Variants in SLC16A2 observed in about 807,000 individuals in gnomAD.
The protein encoded by SLC16A2 is solute carrier family 16 member 2, also known as monocarboxylate transporter 8.
In SLC16A2, 3 loss-of-function variants were observed where a neutral mutation model predicts 27.2. The observed-to-expected ratio is 0.11, with a 90% CI of 0.05 to 0.28. SLC16A2 has a LOEUF of 0.28. Ranked by LOEUF, SLC16A2 falls within the 10% of genes least tolerant of loss-of-function variation. The probability of loss-of-function intolerance (pLI) is 1.00; values close to 1 mark genes in which losing one functional copy is unlikely to be tolerated. For missense variants in SLC16A2, 295 were observed against 458.5 expected (o/e 0.64, Z 3.26); for synonymous variants, 202 against 187.8 (o/e 1.08, Z -0.62).
chrX:74,462,189 C>T (rs1294246197), intron 1 of SLC16A2, among the ~76,000 whole-genome samples: 2 of 112,351 alleles, frequency 1.8e-5, no homozygotes, highest in East Asian at 2.8e-4. Context: ...AATCAAGGCC[C>T]TTTGTGCTTT....
intron 1 of SLC16A2, among the ~76,000 whole-genome samples, chrX:74,507,979 A>G (rs1219262661): frequency 2.7e-5 from 3 of 112,033 alleles, no homozygotes; most frequent in African/African-American, 9.7e-5. Context: ...ATTCTTTGAC[A>G]TACTGATTTT....
At chrX:74,474,748 C>A (rs1209682506) in intron 1 of SLC16A2, among the ~76,000 whole-genome samples, 1 of 108,640 alleles carries the variant, frequency 9.2e-6, no homozygotes, top group Non-Finnish European at 1.9e-5. Context: ...TTTGTCCTTG[C>A]GATAGTTTGC....
chrX:74,454,618 C>T (rs1339180466), intron 1 of SLC16A2, among the ~76,000 whole-genome samples: 1 of 107,841 alleles, frequency 9.3e-6, no homozygotes, highest in Non-Finnish European at 1.9e-5. Context: ...AGGAGATATA[C>T]CTAATGTTAA....
At chrX:74,446,250 G>A (rs1293901030) in intron 1 of SLC16A2, among the ~76,000 whole-genome samples, 2 of 111,411 alleles carry the variant, frequency 1.8e-5, no homozygotes, top group Non-Finnish European at 3.8e-5. Context: ...TGCTCCAGGT[G>A]CAACTGGGCA....
intron 1 of SLC16A2, among the ~76,000 whole-genome samples, chrX:74,426,990 A>C (rs1464109868): frequency 8.9e-6 from 1 of 112,102 alleles, no homozygotes; most frequent in Non-Finnish European, 1.9e-5. Flanking sequence ...CTTCTTCCAG[A>C]GTGTCCTGAT....
intron 1 of SLC16A2, among the ~76,000 whole-genome samples, chrX:74,474,739 T>C (rs1357737338): frequency 9.0e-6 from 1 of 110,986 alleles, no homozygotes; most frequent in Non-Finnish European, 1.9e-5. Context: ...GTTTGGTTTT[T>C]TGTCCTTGCG....
intron 5 of SLC16A2, among the ~76,000 whole-genome samples, chrX:74,530,963 T>C (rs914374366): frequency 9.1e-6 from 1 of 110,105 alleles, no homozygotes; most frequent in African/African-American, 3.3e-5. Context: ...GAACCATTTG[T>C]GGGGGCAGGG....
intron 1 of SLC16A2, among the ~76,000 whole-genome samples, chrX:74,439,253 C>T (rs1222080010): frequency 1.1e-5 from 1 of 88,276 alleles, no homozygotes; most frequent in Non-Finnish European, 2.2e-5. Context: ...TTTCTTTCTT[C>T]TCTCTTTCTC....
At chrX:74,492,031 A>T (rs1268537513) in intron 1 of SLC16A2, among the ~76,000 whole-genome samples, 1 of 112,316 alleles carries the variant, frequency 8.9e-6, no homozygotes, top group Non-Finnish European at 1.9e-5. Flanking sequence ...AGAAGCCTGG[A>T]ATTTAAGGCC....
chrX:74,456,828 A>G (rs976599464), intron 1 of SLC16A2, among the ~76,000 whole-genome samples: 14 of 111,768 alleles, frequency 1.3e-4, no homozygotes, highest in African/African-American at 4.6e-4. Context: ...CTAGAATGTT[A>G]AAGTACTTGG....
At chrX:74,511,220 C>A (rs1043739882) in intron 1 of SLC16A2, among the ~76,000 whole-genome samples, 2 of 109,879 alleles carry the variant, frequency 1.8e-5, no homozygotes, top group African/African-American at 6.6e-5. Context: ...CTCGCTCTGT[C>A]GCCCAGGCTG....
intron 1 of SLC16A2, among the ~76,000 whole-genome samples, chrX:74,518,644 C>A (rs961267375): frequency 1.8e-5 from 2 of 110,925 alleles, no homozygotes; most frequent in African/African-American, 6.5e-5. Context: ...TAAGGGCTAT[C>A]TCATTGTGGT....
At chrX:74,440,375 T>C (rs1451606688) in intron 1 of SLC16A2, among the ~76,000 whole-genome samples, 1 of 111,170 alleles carries the variant, frequency 9.0e-6, no homozygotes. Flanking sequence ...TCACAAGATG[T>C]CTTTAAAAAA....
rs188802701 is a variant in SLC16A2, at chrX:74,430,421, A to T, written c.430+8354A>T. Among the ~76,000 whole-genome samples the T allele has an allele frequency of 1.8e-4, 20 of 111,836 alleles. No homozygotes were observed. The East Asian group carries it at 5.6e-3, about 32-fold the overall frequency. On this transcript the variant is annotated intron_variant, in intron 1 of 5. Transcript: ENST00000587091. ...CTTCCGGCATCCTTATGACTCAAGG[A>T]TAAAAAGAGATGACCAAGAAGTGGT...
At chrX:74,494,207 C>T (rs963588993) in intron 1 of SLC16A2, among the ~76,000 whole-genome samples, 22 of 112,143 alleles carry the variant, frequency 2.0e-4, no homozygotes, top group African/African-American at 6.5e-4. Flanking sequence ...GAAAAGTCTT[C>T]CAAAGGACAG....
chrX:74,484,366 G>A (rs1323329452), intron 1 of SLC16A2, among the ~76,000 whole-genome samples: 2 of 112,224 alleles, frequency 1.8e-5, no homozygotes, highest in African/African-American at 6.5e-5. Context: ...TAATTTCCTG[G>A]TTGACAATTG....
intron 1 of SLC16A2, chrX:74,472,944 A>T: frequency 2.5e-6 from 1 of 405,177 alleles, no homozygotes; most frequent in Non-Finnish European, 4.5e-6. Flanking sequence ...CTAAATTCAC[A>T]AATCTGTTGT....
intron 1 of SLC16A2, among the ~76,000 whole-genome samples, chrX:74,423,199 A>G (rs965603209): frequency 1.8e-5 from 2 of 112,217 alleles, no homozygotes; most frequent in African/African-American, 6.5e-5. Context: ...CCTCTCTGGC[A>G]AGGCTTGCTC....
At chrX:74,497,476 A>G (rs921562277) in intron 1 of SLC16A2, among the ~76,000 whole-genome samples, 15 of 109,725 alleles carry the variant, frequency 1.4e-4, no homozygotes, top group African/African-American at 5.0e-4. Context: ...ACCCTTCTTT[A>G]TACTAGAGGT....
Sources: gnomAD v4.1 joint callset for allele counts (sites outside exome capture counted in the v4.1 genomes callset) on GRCh38, gnomAD v4.1.1 for gene constraint, MANE v1.5 for transcripts, NCBI Gene and HGNC (gene_info 2026-07-23, HGNC 2026-07-21) for gene names.